Variants in FGF14 observed in about 807,000 individuals in gnomAD.
The protein encoded by FGF14 is fibroblast growth factor homologous factor 4.
Under a neutral mutation model 25.5 loss-of-function variants are expected in FGF14, and 5 were observed. That is an observed-to-expected ratio of 0.20 (90% CI 0.10 to 0.41). FGF14 has a LOEUF of 0.41. Among genes scored for constraint, FGF14 ranks in the 10% least tolerant of loss-of-function variants. FGF14 has a pLI of 1.00. For synonymous variants in FGF14, 138 were observed against 118.3 expected (o/e 1.17, Z -1.08); for missense variants, 222 against 320.1 (o/e 0.69, Z 2.34).
chr13:102,038,535 C>G (rs2041581606), intron 1 of FGF14, among the ~76,000 whole-genome samples: 1 of 152,116 alleles, frequency 6.6e-6, no homozygotes, highest in African/African-American at 2.4e-5. Context: ...TTTTCACATT[C>G]ATCATGAATA....
At chr13:101,884,478 T>A (rs2045889077) in intron 1 of FGF14, among the ~76,000 whole-genome samples, 1 of 152,096 alleles carries the variant, frequency 6.6e-6, no homozygotes, top group Admixed American at 6.6e-5. Flanking sequence ...GGAACATAAA[T>A]AAGGGCAGTG....
intron 3 of FGF14, among the ~76,000 whole-genome samples, chr13:101,820,746 G>A (rs75556397): frequency 6.6e-6 from 1 of 150,548 alleles, no homozygotes; most frequent in South Asian, 2.1e-4. Context: ...TAAGCTTATA[G>A]CTACAGCTAC....
intron 3 of FGF14, among the ~76,000 whole-genome samples, chr13:101,810,657 A>G (rs952777121): frequency 6.6e-6 from 1 of 152,132 alleles, no homozygotes; most frequent in African/African-American, 2.4e-5. Flanking sequence ...TCATCTTTGC[A>G]TTCTAAACCT....
chr13:102,378,583 TTATA>T (rs1444443885), intron 1 of FGF14, among the ~76,000 whole-genome samples: 33 of 147,780 alleles, frequency 2.2e-4, no homozygotes, highest in African/African-American at 7.5e-4. Context: ...ATTAAGTATG[TTATA>T]TATATCTATA....
At chr13:102,272,790 T>C (rs1819098245) in intron 1 of FGF14, among the ~76,000 whole-genome samples, 3 of 152,134 alleles carry the variant, frequency 2.0e-5, no homozygotes, top group Admixed American at 6.5e-5. Flanking sequence ...TCACTCAATA[T>C]AGATATTGAG....
At chr13:102,188,895 T>C (rs898858447) in intron 1 of FGF14, among the ~76,000 whole-genome samples, 1 of 141,230 alleles carries the variant, frequency 7.1e-6, no homozygotes, top group Non-Finnish European at 1.5e-5. Flanking sequence ...GAGCTGAGAC[T>C]GCACCACTGC....
rs868222138 is a variant in FGF14 at position 102,366,246 on chromosome 13, G to T, written c.208+35225C>A. On this transcript the variant is annotated intron_variant, in intron 1 of 4. Transcript: ENST00000376131. ...CTGGTACCCTGGGAAACACAAGATT[G>T]CCCAGCTTAGAGACAATCTCAGAAA... Among the ~76,000 whole-genome samples, 5 of 152,072 alleles carry T rather than the reference G, an allele frequency of 3.3e-5. No individual in the cohort carries two copies. The East Asian group carries it at 7.7e-4, about 23-fold the overall frequency.
At chr13:102,291,114 A>G (rs1330180075) in intron 1 of FGF14, among the ~76,000 whole-genome samples, 1 of 152,246 alleles carries the variant, frequency 6.6e-6, no homozygotes, top group African/African-American at 2.4e-5. Flanking sequence ...GCATGACTCT[A>G]AAAGCAGTAA....
intron 1 of FGF14, among the ~76,000 whole-genome samples, chr13:101,997,190 C>T (rs2039232060): frequency 6.6e-6 from 1 of 152,134 alleles, no homozygotes; most frequent in African/African-American, 2.4e-5. Context: ...CGGTAGAAAA[C>T]AAAATGTTCC....
At chr13:102,069,874 G>C (rs1033473273) in intron 1 of FGF14, among the ~76,000 whole-genome samples, 1 of 152,226 alleles carries the variant, frequency 6.6e-6, no homozygotes, top group African/African-American at 2.4e-5. Context: ...TTGGGAGGCT[G>C]AGGTGGGTGG....
At chr13:102,142,787 G>C (rs1285208801) in intron 1 of FGF14, among the ~76,000 whole-genome samples, 1 of 152,102 alleles carries the variant, frequency 6.6e-6, no homozygotes, top group South Asian at 2.1e-4. Flanking sequence ...AATGTAGCTT[G>C]TCTTCACTTT....
chr13:101,838,969 T>C (rs956826055), intron 3 of FGF14, among the ~76,000 whole-genome samples: 8 of 151,996 alleles, frequency 5.3e-5, no homozygotes, highest in Non-Finnish European at 7.4e-5. Context: ...CAAGCGAGGT[T>C]TCAAAATTAT....
intron 1 of FGF14, among the ~76,000 whole-genome samples, chr13:101,890,944 TAAG>T (rs1365212574): frequency 6.6e-6 from 1 of 151,904 alleles, no homozygotes; most frequent in African/African-American, 2.4e-5. Context: ...TTCTTATTGA[TAAG>T]AAGACAAGGG....
At chr13:101,848,916 T>G (rs902331954) in intron 3 of FGF14, among the ~76,000 whole-genome samples, 7 of 152,078 alleles carry the variant, frequency 4.6e-5, no homozygotes, top group Non-Finnish European at 7.4e-5. Flanking sequence ...GTTAATAGTT[T>G]CTTTACTTTG....
At chr13:102,170,475 A>G (rs1317164535) in intron 1 of FGF14, among the ~76,000 whole-genome samples, 1 of 152,084 alleles carries the variant, frequency 6.6e-6, no homozygotes, top group Non-Finnish European at 1.5e-5. Context: ...AAAGTCATTT[A>G]CAGACGAATG....
At chr13:102,018,543 T>G (rs1028899279) in intron 1 of FGF14, among the ~76,000 whole-genome samples, 2 of 152,120 alleles carry the variant, frequency 1.3e-5, no homozygotes, top group Non-Finnish European at 2.9e-5. Flanking sequence ...GTCTTATTCC[T>G]TACAGAACAC....
intron 1 of FGF14, among the ~76,000 whole-genome samples, chr13:101,884,685 T>G (rs1241458652): frequency 6.6e-6 from 1 of 152,090 alleles, no homozygotes; most frequent in Middle Eastern, 3.2e-3. Context: ...CTGAAAGTGT[T>G]CAAGCAGTTG....
At chr13:102,016,217 TG>T (rs1238402941) in intron 1 of FGF14, among the ~76,000 whole-genome samples, 25 of 152,274 alleles carry the variant, frequency 1.6e-4, no homozygotes, top group African/African-American at 5.8e-4. Flanking sequence ...GAGAAAATTG[TG>T]GTTTAGGGAA....
chr13:101,752,637 C>G (rs553084696), intron 3 of FGF14, among the ~76,000 whole-genome samples: 6 of 152,186 alleles, frequency 3.9e-5, no homozygotes, highest in African/African-American at 1.4e-4. Context: ...GAGCCCCTTT[C>G]ATACAGAAAG....
Sources: allele counts gnomAD v4.1 joint callset (sites outside exome capture counted in the v4.1 genomes callset), GRCh38; gene constraint gnomAD v4.1.1; transcripts MANE v1.5; gene names NCBI Gene and HGNC (gene_info 2026-07-23, HGNC 2026-07-21).